The following TMC2 variants were observed in gnomAD, a reference collection of about 807,000 sequenced individuals.
TMC2 encodes the protein transmembrane channel like 2.
A neutral mutation model predicts 105.9 loss-of-function variants in TMC2; 102 were observed. That is an observed-to-expected ratio of 0.96 (90% CI 0.82 to 1.14). The LOEUF (loss-of-function observed/expected upper bound fraction) is 1.14. TMC2 is among the 50% of genes most tolerant of loss of function. The pLI is 0.00. For synonymous variants in TMC2, 402 were observed against 422.8 expected, an observed-to-expected ratio of 0.95 and a Z score of 0.60; for missense variants, 1,093 against 1,134.3, an observed-to-expected ratio of 0.96 and a Z score of 0.52.
At chr20:2,557,381 C>G (rs1223695546) in intron 2 of TMC2, among the ~76,000 whole-genome samples, 1 of 152,068 alleles carries the variant, frequency 6.6e-6, no homozygotes, top group Non-Finnish European at 1.5e-5. Context: ...CAAAGGTGTT[C>G]TTTACTTCTA....
intron 14 of TMC2, among the ~76,000 whole-genome samples, chr20:2,614,786 G>T (rs1379959543): frequency 6.6e-6 from 1 of 151,686 alleles, no homozygotes; most frequent in Non-Finnish European, 1.5e-5. Context: ...AAACACACTG[G>T]GGGGAAAGGA....
chr20:2,608,638 C>A lies in TMC2; in HGVS notation c.1414-1781C>A, dbSNP rs181704492. Among the ~76,000 whole-genome samples, 1,286 of 152,100 alleles carry A rather than the reference C, an allele frequency of 8.5e-3. 12 individuals are homozygous for A. The highest frequency in any genetic ancestry group is 0.015 in the Non-Finnish European group (987 of 67,970). ...CCACTGCACCTAGCCCCCAATTGTA[C>A]CTTTAGTCACTCTTACTCTTCCCAT... On this transcript the variant is annotated intron_variant, in intron 11 of 19. Transcript: ENST00000358864.
At chr20:2,611,829 A>AATGGATGGATGGATGGATGG (rs556611452) in intron 12 of TMC2, among the ~76,000 whole-genome samples, 7 of 111,488 alleles carry the variant, frequency 6.3e-5, no homozygotes, top group African/African-American at 2.3e-4. Flanking sequence ...TAGATGGATG[A>AATGGATGGATGGATGGATGG]ATGGATGGAT....
In TMC2 at chr20:2,616,987, C is replaced by A; in HGVS notation, c.1941-85C>A. 1 of 1,538,024 alleles carries A rather than the reference C, an allele frequency of 6.5e-7. No individual in the cohort carries two copies. The highest frequency in any genetic ancestry group is 8.9e-7 in the Non-Finnish European group (1 of 1,126,466). On this transcript the variant is annotated intron_variant, in intron 15 of 19. Transcript: ENST00000358864. The surrounding 1 kb of genome is among the most constrained non-coding windows in gnomAD (Gnocchi z 4.8). ...AAGCAGCTCGGCCTCATGCCCCTAA[C>A]CCATCCGTCCCATTTCCTTCTATCA... is the stretch of plus-strand genomic sequence containing the variant.
intron 7 of TMC2, among the ~76,000 whole-genome samples, chr20:2,590,143 G>GA (rs1250162305): frequency 3.9e-5 from 6 of 151,980 alleles, no homozygotes; most frequent in Admixed American, 3.9e-4. Flanking sequence ...AATGTTGTAT[G>GA]AAAAAAACAA....
In TMC2 at chr20:2,558,452, G is replaced by T. The variant is rs1279600024; in HGVS notation, c.83-4G>T. On this transcript the variant is annotated splice_region_variant and splice_polypyrimidine_tract_variant and intron_variant, in intron 2 of 19. Coordinates refer to ENST00000358864, the MANE Select transcript of TMC2 (RefSeq NM_080751.3). This position sits in a 1 kb window ranked among gnomAD's most constrained non-coding sequence, Gnocchi z 4.6. ...CAGAACTGTCCATTTTCCCGCCCCG[G>T]CAGGTGACAGGCTGGGAAGGAGATC... The T allele has an allele frequency of 2.6e-5, 40 of 1,554,210 alleles. No individual in the cohort carries two copies. The highest frequency in any genetic ancestry group is 3.3e-5 in the Non-Finnish European group (38 of 1,148,834).
Position 2,616,055 on chromosome 20 carries a change from G to C in TMC2, c.1873-82G>C. 1.1e-5 allele frequency: 13 copies of C among 1,132,918 alleles called. No homozygotes were observed. Among genetic ancestry groups the C allele is most frequent in the East Asian group, 2.4e-5 (1 of 40,818 alleles). 70.2% of individuals were successfully genotyped at this position (1,132,918 alleles called of 1,614,324 possible). On this transcript the variant is annotated intron_variant, in intron 14 of 19. Coordinates refer to ENST00000358864, the MANE Select transcript of TMC2 (RefSeq NM_080751.3). This position sits in a 1 kb window ranked among gnomAD's most constrained non-coding sequence, Gnocchi z 4.8. ...TGGAATGGCCTTGGCTTGGCCAGTT[G>C]GTTGGTAGTAGGGTTTGGCTGAATT...
In TMC2 at chr20:2,641,646, G is replaced by A. The variant is rs113222321; in HGVS notation, c.*295G>A. The A allele has an allele frequency of 2.9e-4, 94 of 325,542 alleles. No individual in the cohort carries two copies. Among genetic ancestry groups the A allele is most frequent in the African/African-American group, 9.3e-4 (45 of 48,440 alleles). 20.2% of individuals were successfully genotyped at this position (325,542 alleles called of 1,614,324 possible). On this transcript the variant is annotated 3_prime_UTR_variant, in exon 20 of 20. Transcript: ENST00000358864. Reference sequence around the variant, plus strand: ...CTCACAGTGGTCGACCTTGCCTCCCGATTTTCGGAGTTGGGGAAGGGCCAT... The same window carrying A: ...CTCACAGTGGTCGACCTTGCCTCCCAATTTTCGGAGTTGGGGAAGGGCCAT...
At chr20:2,589,522 G>A (rs946065361) in intron 7 of TMC2, among the ~76,000 whole-genome samples, 1 of 151,866 alleles carries the variant, frequency 6.6e-6, no homozygotes, top group Non-Finnish European at 1.5e-5. Context: ...ATAACTCATG[G>A]GGAACAGCAA....
chr20:2,628,440 T>G (rs1253480371), intron 17 of TMC2, among the ~76,000 whole-genome samples: 1 of 152,238 alleles, frequency 6.6e-6, no homozygotes. Context: ...AATTTTGTAT[T>G]CAGTCACTGA....
intron 17 of TMC2, among the ~76,000 whole-genome samples, chr20:2,632,243 CTTCT>C (rs1335134055): frequency 1.3e-5 from 2 of 151,936 alleles, no homozygotes; most frequent in East Asian, 3.9e-4. Context: ...CTGGTTCTTT[CTTCT>C]GTCATCTCAG....
chr20:2,552,960 G>A (rs1038233208), intron 2 of TMC2, among the ~76,000 whole-genome samples: 49 of 152,128 alleles, frequency 3.2e-4, no homozygotes, highest in African/African-American at 1.1e-3. Context: ...TGGCTTATTG[G>A]TTCTAGGAGG....
chr20:2,564,273 G>C (rs1034952377), intron 4 of TMC2, among the ~76,000 whole-genome samples: 6 of 149,832 alleles, frequency 4.0e-5, no homozygotes, highest in Non-Finnish European at 7.4e-5. Context: ...GCCTCAGCCT[G>C]CCGAGTAGCT....
At chr20:2,613,102 G>A (rs920744260) in intron 13 of TMC2, 92 bp from the exon 14 acceptor site, 2 of 1,503,490 alleles carry the variant, frequency 1.3e-6, no homozygotes, top group Admixed American at 4.1e-5. Flanking sequence ...GTGGGTGGGG[G>A]AGAGTTTATT....
intron 2 of TMC2, among the ~76,000 whole-genome samples, chr20:2,551,959 T>C (rs1485098121): frequency 3.9e-5 from 6 of 152,140 alleles, no homozygotes; most frequent in Non-Finnish European, 8.8e-5. Context: ...TGCCTTTCCA[T>C]ATAAACTTTA....
rs764537585 is a variant in TMC2 at position 2,558,776 on chromosome 20, T to G, written c.401+2T>G. ...GTCGAAGCGGCAGAAGAAACCCAGGTGTGTTGTGGCTCCGATTCTGGGCAT... is the reference window on the plus strand; with the variant it reads ...GTCGAAGCGGCAGAAGAAACCCAGGGGTGTTGTGGCTCCGATTCTGGGCAT... On this transcript the variant is annotated splice_donor_variant, in intron 3 of 19. Transcript: ENST00000358864. LOFTEE classifies it high-confidence loss of function. The surrounding 1 kb of genome is among the most constrained non-coding windows in gnomAD (Gnocchi z 4.6). The G allele has an allele frequency of 8.5e-6, 13 of 1,536,590 alleles. No individual in the cohort carries two copies. Among genetic ancestry groups the G allele is most frequent in the Non-Finnish European group, 1.1e-5 (13 of 1,144,208 alleles).
In TMC2 at chr20:2,568,854, G is replaced by A. The variant is rs186374690; in HGVS notation, c.555-3325G>A. Among the ~76,000 whole-genome samples the A allele has an allele frequency of 1.6e-3, 241 of 152,256 alleles. 6 individuals are homozygous for A. The highest frequency in any genetic ancestry group is 4.3e-3 in the Admixed American group (66 of 15,296). ...GGACAGGCAGCCTCACTAGCATTGA[G>A]ACACTGAGACATCCCAATAAAGCCA... On this transcript the variant is annotated intron_variant, in intron 4 of 19. Transcript: ENST00000358864.
At chr20:2,612,870 C>T (rs1479535082) in intron 13 of TMC2, among the ~76,000 whole-genome samples, 2 of 152,166 alleles carry the variant, frequency 1.3e-5, no homozygotes, top group East Asian at 3.8e-4. Flanking sequence ...ATGCATTGGG[C>T]ATAGTCAATT....
At chr20:2,625,601 A>G (rs1008618291) in intron 17 of TMC2, among the ~76,000 whole-genome samples, 1 of 152,210 alleles carries the variant, frequency 6.6e-6, no homozygotes, top group Non-Finnish European at 1.5e-5. Context: ...AGGCTCTACT[A>G]TGTTCCATCT....
Sources: allele counts gnomAD v4.1 joint callset (sites outside exome capture counted in the v4.1 genomes callset), GRCh38; gene constraint gnomAD v4.1.1; non-coding constraint Gnocchi (gnomAD v3.1); transcripts MANE v1.5; gene names NCBI Gene and HGNC (gene_info 2026-07-23, HGNC 2026-07-21).